KCNQ3: variants seen among roughly 807,000 people sequenced by gnomAD.
KCNQ3 encodes potassium voltage-gated channel subfamily KQT member 3.
KCNQ3 carries 30 observed loss-of-function variants against 92.5 expected under a neutral mutation model. The observed-to-expected ratio is 0.32, with a 90% CI of 0.24 to 0.44. The LOEUF is 0.44. KCNQ3 is among the 20% of genes least tolerant of loss of function. The probability of loss-of-function intolerance (pLI) is 1.00; values close to 1 mark genes in which losing one functional copy is unlikely to be tolerated. For synonymous variants in KCNQ3, 450 were observed against 468.8 expected (o/e 0.96, Z 0.52); for missense variants, 913 against 1,140.3 (o/e 0.80, Z 2.87).
intron 1 of KCNQ3, among the ~76,000 whole-genome samples, chr8:132,413,674 G>A (rs1262473921): frequency 6.6e-5 from 10 of 152,210 alleles, no homozygotes; most frequent in East Asian, 1.9e-4. Flanking sequence ...GTTGTCAGAC[G>A]TTGTCAAGGA....
intron 1 of KCNQ3, among the ~76,000 whole-genome samples, chr8:132,406,422 C>T (rs368908595): frequency 5.3e-5 from 8 of 152,264 alleles, no homozygotes; most frequent in African/African-American, 1.9e-4. Context: ...GAGAAAAGTG[C>T]TGATCAGTTT....
Position 132,127,030 on chromosome 8 carries a change from T to C in KCNQ3, c.*2232A>G, listed in dbSNP as rs1764933374. The C allele has an allele frequency of 6.6e-6, 1 of 152,152 alleles. No homozygotes were observed. The highest frequency in any genetic ancestry group is 2.1e-4 in the South Asian group (1 of 4,824). The allele number at this position is 152,152 out of a possible 1,614,324, so 9.4% of individuals were successfully genotyped here. On this transcript the variant is annotated 3_prime_UTR_variant, in exon 15 of 15. Transcript: ENST00000388996. ...AGTAACATGTTGGATGTTAGGCAGG[T>C]GATCATCTCAAGTGAAAGATTCCAG...
intron 1 of KCNQ3, among the ~76,000 whole-genome samples, chr8:132,232,595 A>G (rs2130377585): frequency 1.3e-5 from 2 of 152,372 alleles, no homozygotes; most frequent in African/African-American, 4.8e-5. Context: ...GTGGGCACAT[A>G]GTAAGCACTT....
chr8:132,233,367 C>T (rs1231396181), intron 1 of KCNQ3, among the ~76,000 whole-genome samples: 1 of 152,148 alleles, frequency 6.6e-6, no homozygotes, highest in Non-Finnish European at 1.5e-5. Flanking sequence ...TAGGTCCATT[C>T]CATAAAATTA....
At chr8:132,286,488 T>C (rs1248931137) in intron 1 of KCNQ3, among the ~76,000 whole-genome samples, 1 of 152,230 alleles carries the variant, frequency 6.6e-6, no homozygotes, top group Non-Finnish European at 1.5e-5. Context: ...ATACCTGTTC[T>C]GCCATTGTAT....
intron 1 of KCNQ3, among the ~76,000 whole-genome samples, chr8:132,227,122 G>A (rs1431928124): frequency 6.7e-6 from 1 of 148,418 alleles, no homozygotes. Flanking sequence ...GTGCTGTGGC[G>A]CGATCTCGGG....
chr8:132,216,483 C>A (rs1446720216), intron 1 of KCNQ3, among the ~76,000 whole-genome samples: 1 of 152,110 alleles, frequency 6.6e-6, no homozygotes, highest in African/African-American at 2.4e-5. Context: ...TGTCTTTGGG[C>A]AGAATGGATG....
chr8:132,264,062 G>A (rs1815893272), intron 1 of KCNQ3, among the ~76,000 whole-genome samples: 2 of 152,170 alleles, frequency 1.3e-5, no homozygotes, highest in Admixed American at 6.5e-5. Flanking sequence ...CCCAGCCTTG[G>A]ACACTGAGGT....
At chr8:132,472,909 A>C (rs577505966) in intron 1 of KCNQ3, among the ~76,000 whole-genome samples, 24 of 152,324 alleles carry the variant, frequency 1.6e-4, no homozygotes, top group African/African-American at 5.5e-4. Flanking sequence ...TCAATTTAAA[A>C]AATTTTACAA....
At chr8:132,449,702 T>C (rs894048681) in intron 1 of KCNQ3, among the ~76,000 whole-genome samples, 4 of 152,036 alleles carry the variant, frequency 2.6e-5, no homozygotes, top group Non-Finnish European at 5.9e-5. Flanking sequence ...AAGTGAAGAA[T>C]AGGAAGGAAT....
chr8:132,391,591 A>T, intron 1 of KCNQ3, among the ~76,000 whole-genome samples: 1 of 152,276 alleles, frequency 6.6e-6, no homozygotes, highest in Non-Finnish European at 1.5e-5. Context: ...CTCTGCAAGG[A>T]TACACTTGGG....
chr8:132,355,041 A>C (rs1284142523), intron 1 of KCNQ3, among the ~76,000 whole-genome samples: 1 of 152,170 alleles, frequency 6.6e-6, no homozygotes, highest in Non-Finnish European at 1.5e-5. Flanking sequence ...TCCTCATATC[A>C]GCAAAAAACC....
At chr8:132,250,159 G>A (rs1467229951) in intron 1 of KCNQ3, among the ~76,000 whole-genome samples, 6 of 152,324 alleles carry the variant, frequency 3.9e-5, no homozygotes, top group African/African-American at 1.4e-4. Context: ...GGACGCCGAG[G>A]CCGAGGAGGC....
intron 9 of KCNQ3, among the ~76,000 whole-genome samples, chr8:132,162,822 T>C (rs563710535): frequency 6.6e-6 from 1 of 151,928 alleles, no homozygotes; most frequent in South Asian, 2.1e-4. Flanking sequence ...TCTCACCTCC[T>C]CTGCCCAAAT....
intron 1 of KCNQ3, among the ~76,000 whole-genome samples, chr8:132,429,659 G>A (rs1463011539): frequency 1.3e-5 from 2 of 152,006 alleles, no homozygotes; most frequent in East Asian, 3.9e-4. Context: ...TCAGGAGTTC[G>A]AGACCAGCCT....
At chr8:132,199,579 G>A (rs187394606) in intron 1 of KCNQ3, among the ~76,000 whole-genome samples, 108 of 152,242 alleles carry the variant, frequency 7.1e-4, no homozygotes, top group Middle Eastern at 3.4e-3. Flanking sequence ...AATCTACCTC[G>A]TGGGATAATC....
intron 1 of KCNQ3, among the ~76,000 whole-genome samples, chr8:132,304,217 G>A (rs1817346718): frequency 6.6e-6 from 1 of 152,182 alleles, no homozygotes; most frequent in African/African-American, 2.4e-5. Flanking sequence ...CTATTGGGGT[G>A]ATGGTTACAT....
intron 9 of KCNQ3, among the ~76,000 whole-genome samples, chr8:132,156,036 T>G (rs1052351194): frequency 2.0e-5 from 3 of 152,116 alleles, no homozygotes; most frequent in African/African-American, 4.8e-5. Context: ...TGAGGATGAT[T>G]CCAGGACATT....
In KCNQ3 at chr8:132,178,985, G is replaced by A. The variant is rs184959431; in HGVS notation, c.777+1172C>T. ...GTGGGACAACAACAGCATCTAGTATGCCTACCAGGGTGGGTGCAAAAAGAT... is the reference window on the plus strand; with the variant it reads ...GTGGGACAACAACAGCATCTAGTATACCTACCAGGGTGGGTGCAAAAAGAT... On this transcript the variant is annotated intron_variant, in intron 4 of 14. Transcript: ENST00000388996. Among the ~76,000 whole-genome samples, 4 of 144,326 alleles carry A rather than the reference G, an allele frequency of 2.8e-5. No homozygotes were observed. The East Asian group carries it at 8.1e-4, about 29-fold the overall frequency. 94.7% of individuals were successfully genotyped at this position (144,326 alleles called of 152,430 possible).
Sources: gnomAD v4.1 joint callset for allele counts (sites outside exome capture counted in the v4.1 genomes callset) on GRCh38, gnomAD v4.1.1 for gene constraint, MANE v1.5 for transcripts, NCBI Gene and HGNC (gene_info 2026-07-23, HGNC 2026-07-21) for gene names.